Variants in CYP2J2 observed in about 807,000 individuals in gnomAD.
CYP2J2 encodes cytochrome P450 family 2 subfamily J member 2, also known as cytochrome P450 2J2.
A neutral mutation model predicts 48.8 loss-of-function variants in CYP2J2; 41 were observed. The ratio of observed to expected loss-of-function variants is 0.84; its 90% CI spans 0.66 to 1.09. The LOEUF is 1.09. Among genes scored for constraint, CYP2J2 ranks in the 50% least tolerant of loss-of-function variants. CYP2J2 has a pLI of 0.00. For missense variants in CYP2J2, 644 were observed against 617.3 expected (o/e 1.04, Z -0.46); for synonymous variants, 221 against 227.1 (o/e 0.97, Z 0.24).
chr1:59,954,246 A>C, the CYP2J2 span, among the ~76,000 whole-genome samples: 253 of 152,296 alleles, frequency 1.7e-3, 1 homozygote, highest in African/African-American at 5.9e-3. Flanking sequence ...TAAGTGCTGA[A>C]ATTTTGTGAT....
Position 59,893,645 on chromosome 1 carries a change from A to G in CYP2J2, c.*6T>C. On this transcript the variant is annotated 3_prime_UTR_variant, in exon 9 of 9. Transcript: ENST00000371204. ...ACTTTCCTTGCCCCTTTCTTTCTTA[A>G]CAATATTACACCTGAGGAACAGCGC... 6.4e-7 allele frequency: 1 copy of G among 1,571,442 alleles called. No individual in the cohort carries two copies. The highest frequency in any genetic ancestry group is 8.6e-7 in the Non-Finnish European group (1 of 1,158,756).
upstream of CYP2J2, among the ~76,000 whole-genome samples, chr1:59,928,727 G>A (rs1028931347): frequency 3.5e-4 from 54 of 152,302 alleles, no homozygotes; most frequent in Non-Finnish European, 7.9e-4. Flanking sequence ...TCATGAGATA[G>A]AGGTTCCACA....
Position 59,923,074 on chromosome 1 carries a change from G to A in CYP2J2, c.210+3463C>T, listed in dbSNP as rs1031614550. Among the ~76,000 whole-genome samples, 9 of 151,110 alleles carry A rather than the reference G, an allele frequency of 6.0e-5. 1 individual carries two copies. In the East Asian group the frequency reaches 1.7e-3, roughly 29 times the overall value. On this transcript the variant is annotated intron_variant, in intron 1 of 8. Coordinates refer to ENST00000371204, the MANE Select transcript of CYP2J2 (RefSeq NM_000775.4). Reference sequence around the variant, plus strand: ...CCTTCTTCTACAGTAATAAGGAGGTGCACTTCCCCTTGGAGGAGATATAGG... The same window carrying A: ...CCTTCTTCTACAGTAATAAGGAGGTACACTTCCCCTTGGAGGAGATATAGG...
At chr1:59,957,948 C>A in the CYP2J2 span, among the ~76,000 whole-genome samples, 6 of 152,046 alleles carry the variant, frequency 3.9e-5, no homozygotes, top group Non-Finnish European at 8.8e-5. Context: ...AATTATGGAG[C>A]AATACCATGA....
chr1:59,907,870 C>T lies in CYP2J2; in HGVS notation c.919G>A (p.Asp307Asn). The stretch of plus-strand genomic sequence containing the variant: ...GTCTCGGTTCCGGCAAAGAAGAGGT[C>T]CAGGGTGCTGCAGATGAGGTTTTCT... ...HEENLICSTL[D>N]LFFAGTETTS... The change falls in exon 6 of 9, where the codon GAC (aspartate) becomes AAC (asparagine). Residue 307 changes from aspartate to asparagine, a missense_variant. Asp to Asn is a conservative substitution (Grantham distance 23). Transcript: ENST00000371204. The T allele has an allele frequency of 6.2e-7, 1 of 1,613,954 alleles. No homozygotes were observed. Among genetic ancestry groups the T allele is most frequent in the Non-Finnish European group, 8.5e-7 (1 of 1,179,904 alleles).
chr1:59,915,822 T>G (rs1574257210), intron 2 of CYP2J2, 116 bp downstream of exon 2: 17 of 960,620 alleles, frequency 1.8e-5, no homozygotes, highest in Admixed American at 1.1e-4. Flanking sequence ...TGGCAGGAAG[T>G]TTATTATGGG....
chr1:59,946,525 C>T, the CYP2J2 span, among the ~76,000 whole-genome samples: 1 of 152,136 alleles, frequency 6.6e-6, no homozygotes, highest in Admixed American at 6.6e-5. Flanking sequence ...AATGTGAGCT[C>T]CATGAGGGGA....
the CYP2J2 span, among the ~76,000 whole-genome samples, chr1:59,964,983 T>G: frequency 6.6e-6 from 1 of 152,170 alleles, no homozygotes; most frequent in African/African-American, 2.4e-5. Context: ...GAATGACATA[T>G]GAAAGATCAC....
At chr1:59,939,598 T>C in the CYP2J2 span, among the ~76,000 whole-genome samples, 2 of 152,262 alleles carry the variant, frequency 1.3e-5, no homozygotes, top group Non-Finnish European at 1.5e-5. Flanking sequence ...CTACCACCTA[T>C]GTTTACGCAA....
intron 1 of CYP2J2, 87 bp from the exon 2 acceptor site, chr1:59,916,187 A>G (rs1644463856): frequency 5.2e-6 from 6 of 1,163,422 alleles, no homozygotes; most frequent in Middle Eastern, 2.9e-4. Flanking sequence ...AGGGGATCAT[A>G]TTGAGAGGAG....
At chr1:59,903,544 G>T in intron 7 of CYP2J2, among the ~76,000 whole-genome samples, 1 of 152,290 alleles carries the variant, frequency 6.6e-6, no homozygotes, top group Admixed American at 6.5e-5. Context: ...TGGGGCAAGG[G>T]TTGAAAAACT....
chr1:59,895,484 CTTGA>C (rs1318485963), intron 8 of CYP2J2, among the ~76,000 whole-genome samples: 1 of 152,138 alleles, frequency 6.6e-6, no homozygotes, highest in African/African-American at 2.4e-5. Context: ...TTGGTAATCA[CTTGA>C]TTAAGGTGGT....
chr1:59,967,267 G>A, the CYP2J2 span, among the ~76,000 whole-genome samples: 1 of 152,092 alleles, frequency 6.6e-6, no homozygotes, highest in African/African-American at 2.4e-5. Flanking sequence ...TCTTAAAAGA[G>A]GTTTACACAA....
the CYP2J2 span, among the ~76,000 whole-genome samples, chr1:59,945,421 TC>T: frequency 6.6e-6 from 1 of 151,530 alleles, no homozygotes; most frequent in African/African-American, 2.4e-5. Flanking sequence ...TATCTATCTA[TC>T]TATCTATCTA....
At chr1:59,944,605 T>C in the CYP2J2 span, among the ~76,000 whole-genome samples, 1 of 152,232 alleles carries the variant, frequency 6.6e-6, no homozygotes, top group Non-Finnish European at 1.5e-5. Context: ...TAAATACCGA[T>C]AAATATGACT....
At chr1:59,941,632 AAGATCTTCCAGTG>A in the CYP2J2 span, among the ~76,000 whole-genome samples, 4 of 152,226 alleles carry the variant, frequency 2.6e-5, no homozygotes, top group African/African-American at 9.6e-5. Flanking sequence ...TATTGCCCTG[AAGATCTTCCAGTG>A]GGAGAAGATG....
intron 8 of CYP2J2, among the ~76,000 whole-genome samples, chr1:59,897,615 A>G (rs1004118485): frequency 2.0e-5 from 3 of 152,180 alleles, no homozygotes; most frequent in Admixed American, 2.0e-4. Context: ...CTGACTTACA[A>G]TTTTGGCAAA....
At chr1:59,911,882 A>T in intron 3 of CYP2J2, 114 bp from the exon 4 acceptor site, 1 of 1,083,018 alleles carries the variant, frequency 9.2e-7, no homozygotes, top group Non-Finnish European at 1.3e-6. Context: ...ATATATGAGG[A>T]GCTGGCCACA....
chr1:59,950,407 G>C, the CYP2J2 span, among the ~76,000 whole-genome samples: 1 of 152,268 alleles, frequency 6.6e-6, no homozygotes, highest in East Asian at 1.9e-4. Flanking sequence ...AAGCTCTTTA[G>C]AGCCCATTTC....
Sources: allele counts gnomAD v4.1 joint callset (sites outside exome capture counted in the v4.1 genomes callset), GRCh38; gene constraint gnomAD v4.1.1; transcripts MANE v1.5; gene names NCBI Gene and HGNC (gene_info 2026-07-23, HGNC 2026-07-21).